PPP2R2B: variants seen among roughly 807,000 people sequenced by gnomAD.
The protein encoded by PPP2R2B is serine/threonine-protein phosphatase 2A 55 kDa regulatory subunit B beta isoform.
PPP2R2B carries 5 observed loss-of-function variants against 46.0 expected under a neutral mutation model. The observed-to-expected ratio is 0.11, with a 90% CI of 0.06 to 0.23. PPP2R2B has a LOEUF of 0.23. Ranked by LOEUF, PPP2R2B falls within the 10% of genes least tolerant of loss-of-function variation. PPP2R2B has a pLI of 1.00. For missense variants in PPP2R2B, 367 were observed against 575.0 expected (o/e 0.64, Z 3.70); for synonymous variants, 215 against 206.7 (o/e 1.04, Z -0.34).
intron 2 of PPP2R2B, among the ~76,000 whole-genome samples, chr5:146,845,616 A>G (rs1759953022): frequency 6.6e-6 from 1 of 152,132 alleles, no homozygotes; most frequent in African/African-American, 2.4e-5. Context: ...AAGCTGAAGA[A>G]CAGACACTGT....
At chr5:146,734,344 T>C (rs761415228) in intron 2 of PPP2R2B, among the ~76,000 whole-genome samples, 10 of 152,130 alleles carry the variant, frequency 6.6e-5, no homozygotes, top group Non-Finnish European at 1.2e-4. Context: ...GGTATGAGCC[T>C]GGCCATTAGC....
intron 1 of PPP2R2B, among the ~76,000 whole-genome samples, chr5:147,029,614 A>C (rs577496821): frequency 2.1e-4 from 32 of 152,274 alleles, no homozygotes; most frequent in African/African-American, 7.7e-4. Context: ...CTAACCTCCC[A>C]ATGTGACAAT....
intron 2 of PPP2R2B, among the ~76,000 whole-genome samples, chr5:146,818,074 G>A (rs1292535016): frequency 6.6e-6 from 1 of 152,130 alleles, no homozygotes; most frequent in Non-Finnish European, 1.5e-5. Flanking sequence ...CCCTGATCTT[G>A]TAAGACTGGG....
intron 1 of PPP2R2B, among the ~76,000 whole-genome samples, chr5:147,012,675 G>A (rs1331502553): frequency 4.0e-5 from 6 of 151,528 alleles, no homozygotes; most frequent in South Asian, 4.2e-4. Context: ...TGATGTTAGG[G>A]TGTCAATTTT....
At chr5:146,667,322 G>A (rs1299627269) in intron 5 of PPP2R2B, among the ~76,000 whole-genome samples, 1 of 15,326 alleles carries the variant, frequency 6.5e-5, no homozygotes, top group Non-Finnish European at 1.4e-4. Flanking sequence ...GCAGGAATAG[G>A]CGTGCGCGCG....
At chr5:146,962,837 A>C (rs1752235897) in intron 1 of PPP2R2B, among the ~76,000 whole-genome samples, 1 of 152,106 alleles carries the variant, frequency 6.6e-6, no homozygotes, top group African/African-American at 2.4e-5. Flanking sequence ...CTCAGGTCTC[A>C]ATGACTTCAA....
chr5:146,615,515 T>TAAAAAAAAAAAAAAAAAAAAAAAAAAATA (rs1364774106), intron 7 of PPP2R2B, among the ~76,000 whole-genome samples: 6 of 71,010 alleles, frequency 8.4e-5, no homozygotes, highest in Non-Finnish European at 9.6e-5. Flanking sequence ...AAAAAAAAAT[T>TAAAAAAAAAAAAAAAAAAAAAAAAAAATA]AAAAAAAAAA....
chr5:146,903,307 G>A (rs1001393952), intron 1 of PPP2R2B, among the ~76,000 whole-genome samples: 5 of 151,264 alleles, frequency 3.3e-5, no homozygotes, highest in Non-Finnish European at 5.9e-5. Flanking sequence ...GTTATAAGGT[G>A]GTCCTCAGAC....
At chr5:146,678,044 A>G (rs2151131893) in intron 5 of PPP2R2B, among the ~76,000 whole-genome samples, 1 of 152,310 alleles carries the variant, frequency 6.6e-6, no homozygotes, top group East Asian at 1.9e-4. Flanking sequence ...AAGTCTCTAA[A>G]GTAGGATAAA....
intron 1 of PPP2R2B, among the ~76,000 whole-genome samples, chr5:147,012,467 C>T (rs1561576109): frequency 6.6e-6 from 1 of 152,062 alleles, no homozygotes; most frequent in Non-Finnish European, 1.5e-5. Context: ...ATTCTTCTCT[C>T]TTTTTTTCTT....
chr5:146,793,364 A>G (rs924011928), intron 2 of PPP2R2B, among the ~76,000 whole-genome samples: 1 of 152,232 alleles, frequency 6.6e-6, no homozygotes, highest in Non-Finnish European at 1.5e-5. Flanking sequence ...GGAATTCAGG[A>G]CTGGACTAAA....
intron 2 of PPP2R2B, among the ~76,000 whole-genome samples, chr5:146,829,665 G>A (rs1233602711): frequency 1.3e-5 from 2 of 152,160 alleles, no homozygotes; most frequent in Non-Finnish European, 2.9e-5. Context: ...ACTGACTTAT[G>A]TAAAAGAGGC....
chr5:146,758,177 A>T (rs1399742059), intron 2 of PPP2R2B, among the ~76,000 whole-genome samples: 4 of 152,140 alleles, frequency 2.6e-5, no homozygotes, highest in Non-Finnish European at 5.9e-5. Flanking sequence ...TTACTCATAC[A>T]AGCATTCTCC....
chr5:146,738,036 T>A (rs1020915971), intron 2 of PPP2R2B, among the ~76,000 whole-genome samples: 2 of 152,078 alleles, frequency 1.3e-5, no homozygotes, highest in Non-Finnish European at 2.9e-5. Context: ...CAACACATGA[T>A]TGTCACTCTC....
chr5:146,624,143 A>T (rs1454451686), intron 7 of PPP2R2B, among the ~76,000 whole-genome samples: 2 of 152,210 alleles, frequency 1.3e-5, no homozygotes, highest in African/African-American at 2.4e-5. Context: ...AAAGGAAGAG[A>T]TACTGCAAAC....
chr5:146,958,170 C>T (rs1039149311), intron 1 of PPP2R2B, among the ~76,000 whole-genome samples: 4 of 152,136 alleles, frequency 2.6e-5, no homozygotes, highest in South Asian at 2.1e-4. Context: ...CCGAAGGCCC[C>T]ACCCTTTCAG....
At chr5:146,846,710 A>T (rs1561954821) in intron 2 of PPP2R2B, among the ~76,000 whole-genome samples, 2 of 151,798 alleles carry the variant, frequency 1.3e-5, no homozygotes, top group South Asian at 4.2e-4. Context: ...TGTATTCTTT[A>T]TTTTTTTTAA....
intron 7 of PPP2R2B, among the ~76,000 whole-genome samples, chr5:146,629,908 G>C (rs1226358011): frequency 6.6e-6 from 1 of 152,136 alleles, no homozygotes; most frequent in East Asian, 1.9e-4. Context: ...CTGCCTCCCA[G>C]GTTCAAGCGA....
intron 1 of PPP2R2B, among the ~76,000 whole-genome samples, chr5:146,906,952 G>C (rs1273179328): frequency 1.3e-5 from 2 of 152,184 alleles, no homozygotes; most frequent in Non-Finnish European, 2.9e-5. Flanking sequence ...GACCAGCCGA[G>C]TTACACTGTA....
Sources: gnomAD v4.1 joint callset for allele counts (sites outside exome capture counted in the v4.1 genomes callset) on GRCh38, gnomAD v4.1.1 for gene constraint, MANE v1.5 for transcripts, NCBI Gene and HGNC (gene_info 2026-07-23, HGNC 2026-07-21) for gene names.